FILIP1: variants seen among roughly 807,000 people sequenced by gnomAD.
FILIP1 encodes filamin-A-interacting protein 1.
A neutral mutation model predicts 102.1 loss-of-function variants in FILIP1; 61 were observed. The observed-to-expected ratio is 0.60, with a 90% CI of 0.49 to 0.74. The LOEUF (loss-of-function observed/expected upper bound fraction) is 0.74. Among genes scored for constraint, FILIP1 ranks in the 30% least tolerant of loss-of-function variants. FILIP1 has a pLI of 0.00. For synonymous variants in FILIP1, 491 were observed against 526.9 expected (o/e 0.93, Z 0.93); for missense variants, 1,314 against 1,441.2 (o/e 0.91, Z 1.43).
chr6:75,454,880 C>T (rs1042545935), intron 1 of FILIP1: 1 of 152,024 alleles, frequency 6.6e-6, no homozygotes, highest in African/African-American at 2.4e-5. Flanking sequence ...AACCAAGGAA[C>T]AAGAAATGTT....
chr6:75,455,042 C>T (rs1185802333), intron 1 of FILIP1: 1 of 151,998 alleles, frequency 6.6e-6, no homozygotes, highest in Non-Finnish European at 1.5e-5. Flanking sequence ...AGCTGTCTGG[C>T]CTCTTTGGGG....
At chr6:75,336,179 G>A (rs1774236737) in intron 4 of FILIP1, among the ~76,000 whole-genome samples, 1 of 152,288 alleles carries the variant, frequency 6.6e-6, no homozygotes, top group Non-Finnish European at 1.5e-5. Context: ...GCCTGGCAAG[G>A]CTGCACTAGT....
chr6:75,361,295 C>T (rs1775165636), intron 3 of FILIP1, among the ~76,000 whole-genome samples: 1 of 152,118 alleles, frequency 6.6e-6, no homozygotes, highest in South Asian at 2.1e-4. Flanking sequence ...CCATAGAACC[C>T]AGTGGATTGG....
intron 1 of FILIP1, among the ~76,000 whole-genome samples, chr6:75,456,867 T>G (rs979095966): frequency 1.3e-5 from 2 of 152,196 alleles, no homozygotes; most frequent in African/African-American, 4.8e-5. Flanking sequence ...AAAATATTCT[T>G]TCTTTATCCA....
At chr6:75,483,898 C>A (rs1284075047) in intron 1 of FILIP1, among the ~76,000 whole-genome samples, 1 of 152,140 alleles carries the variant, frequency 6.6e-6, no homozygotes, top group Non-Finnish European at 1.5e-5. Context: ...GGGAGATGAA[C>A]AATTCCCTCA....
At chr6:75,432,929 T>C (rs932791534) in intron 1 of FILIP1, among the ~76,000 whole-genome samples, 2 of 152,124 alleles carry the variant, frequency 1.3e-5, no homozygotes, top group Non-Finnish European at 2.9e-5. Flanking sequence ...CATGTGGTGT[T>C]TGGTTTTCTG....
At chr6:75,449,279 A>C (rs1353572734) in intron 1 of FILIP1, among the ~76,000 whole-genome samples, 2 of 152,136 alleles carry the variant, frequency 1.3e-5, no homozygotes, top group Non-Finnish European at 2.9e-5. Flanking sequence ...TAAGCTATGA[A>C]GACGCAAAGG....
rs1777299874 is a variant in FILIP1, at chr6:75,417,248, C to T, written c.-6-2270G>A. The stretch of plus-strand genomic sequence containing the variant: ...TGATATTGAAATTTCACATTAATTA[C>T]TTTTCCTTTGGCATGAACATAAAGA... On this transcript the variant is annotated intron_variant, in intron 1 of 5. Coordinates refer to ENST00000237172, the MANE Select transcript of FILIP1 (RefSeq NM_015687.5). Among the ~76,000 whole-genome samples the T allele has an allele frequency of 2.0e-5, 3 of 152,118 alleles. No individual in the cohort carries two copies. The South Asian group carries it at 6.2e-4, about 31-fold the overall frequency.
chr6:75,318,752 G>T (rs2149558445), intron 4 of FILIP1, among the ~76,000 whole-genome samples: 1 of 152,124 alleles, frequency 6.6e-6, no homozygotes, highest in Middle Eastern at 3.4e-3. Flanking sequence ...TAATTAATTT[G>T]TGCTGTGCAC....
chr6:75,480,495 C>T (rs1205720676), intron 1 of FILIP1, among the ~76,000 whole-genome samples: 1 of 152,090 alleles, frequency 6.6e-6, no homozygotes, highest in Non-Finnish European at 1.5e-5. Flanking sequence ...CTCCCTTCAG[C>T]CTCCACTGCT....
At chr6:75,363,557 A>AGCTTGGT (rs1415383409) in intron 2 of FILIP1, among the ~76,000 whole-genome samples, 2 of 152,112 alleles carry the variant, frequency 1.3e-5, no homozygotes, top group African/African-American at 2.4e-5. Flanking sequence ...TAGATGAGTC[A>AGCTTGGT]GCTTGGTAGG....
intron 4 of FILIP1, chr6:75,319,313 A>C: frequency 1.5e-6 from 1 of 654,692 alleles, no homozygotes; most frequent in South Asian, 1.4e-5. Context: ...GCAGGCCAGG[A>C]TGTTCTTCTT....
chr6:75,310,100 C>T (rs1773127639), intron 5 of FILIP1, among the ~76,000 whole-genome samples: 1 of 152,204 alleles, frequency 6.6e-6, no homozygotes, highest in Non-Finnish European at 1.5e-5. Flanking sequence ...GCATTTTTTG[C>T]CCCATGCGCA....
intron 4 of FILIP1, among the ~76,000 whole-genome samples, chr6:75,317,475 C>G (rs1456085267): frequency 1.3e-5 from 2 of 152,170 alleles, no homozygotes; most frequent in East Asian, 3.8e-4. Flanking sequence ...ATGCTATTGG[C>G]TTCATCTGGA....
rs568576156 is a variant in FILIP1 at position 75,349,251 on chromosome 6, A to G, written c.629+4288T>C. Among the ~76,000 whole-genome samples, 140 of 152,226 alleles carry G rather than the reference A, an allele frequency of 9.2e-4. 1 individual carries two copies. Among genetic ancestry groups the G allele is most frequent in the African/African-American group, 3.4e-3 (140 of 41,532 alleles). ...GGGTTCCTTTTTGTTATCTTTAACC[A>G]TTTTTCTGGAAGAGGTGAGAAACCC... On this transcript the variant is annotated intron_variant, in intron 4 of 5. Coordinates refer to ENST00000237172, the MANE Select transcript of FILIP1 (RefSeq NM_015687.5).
chr6:75,349,701 C>G (rs1409092207), intron 4 of FILIP1, among the ~76,000 whole-genome samples: 1 of 152,132 alleles, frequency 6.6e-6, no homozygotes, highest in Non-Finnish European at 1.5e-5. Context: ...GTCCAGCTTC[C>G]CCTGCAGGTG....
chr6:75,347,960 A>T (rs183256012), intron 4 of FILIP1, among the ~76,000 whole-genome samples: 26 of 152,204 alleles, frequency 1.7e-4, no homozygotes, highest in African/African-American at 5.8e-4. Flanking sequence ...TTATATGATG[A>T]TGTAATTATT....
At chr6:75,383,473 A>G (rs1241140157) in intron 2 of FILIP1, among the ~76,000 whole-genome samples, 4 of 152,186 alleles carry the variant, frequency 2.6e-5, no homozygotes, top group African/African-American at 9.6e-5. Flanking sequence ...TAAAGACAAA[A>G]TTATGACACA....
chr6:75,490,798 G>A (rs9359124), intron 1 of FILIP1, among the ~76,000 whole-genome samples: 19,893 of 152,050 alleles, frequency 0.13, 1,383 homozygotes, highest in East Asian at 0.24. Context: ...TTTTCTGTGC[G>A]TGGTAAAACC....
Sources: allele counts gnomAD v4.1 joint callset (sites outside exome capture counted in the v4.1 genomes callset), GRCh38; gene constraint gnomAD v4.1.1; transcripts MANE v1.5; gene names NCBI Gene and HGNC (gene_info 2026-07-23, HGNC 2026-07-21).